The following VPS13B variants were observed in gnomAD, a reference collection of about 807,000 sequenced individuals.
VPS13B encodes the protein intermembrane lipid transfer protein VPS13B.
In VPS13B, 285 loss-of-function variants were observed where a neutral mutation model predicts 426.4. That is an observed-to-expected ratio of 0.67 (90% CI 0.61 to 0.74). The LOEUF is 0.74. Ranked by LOEUF, VPS13B falls within the 30% of genes least tolerant of loss-of-function variation. The pLI is 0.00. For synonymous variants in VPS13B, 1,676 were observed against 1,676.4 expected, an observed-to-expected ratio of 1.00 and a Z score of 0.01; for missense variants, 4,537 against 4,782.6, an observed-to-expected ratio of 0.95 and a Z score of 1.51.
intron 4 of VPS13B, 51 bp from the exon 5 acceptor site, chr8:99,102,902 T>A: frequency 6.8e-7 from 1 of 1,468,224 alleles, no homozygotes; most frequent in Non-Finnish European, 9.5e-7. Context: ...AAGAAATAAT[T>A]ATTTACTGAG....
At chr8:99,866,620 G>C (rs77284972) in intron 58 of VPS13B, among the ~76,000 whole-genome samples, 2,490 of 152,344 alleles carry the variant, frequency 0.016, 68 homozygotes, top group African/African-American at 0.057. Context: ...AACAGAGGGG[G>C]CCTCACCTGA....
intron 30 of VPS13B, among the ~76,000 whole-genome samples, chr8:99,529,842 C>CA (rs1228637038): frequency 6.6e-6 from 1 of 152,176 alleles, no homozygotes; most frequent in Non-Finnish European, 1.5e-5. Context: ...TTTAACATGA[C>CA]AAAATCCCTG....
At chr8:99,709,956 G>T (rs918532055) in intron 36 of VPS13B, among the ~76,000 whole-genome samples, 3 of 152,132 alleles carry the variant, frequency 2.0e-5, no homozygotes, top group African/African-American at 7.2e-5. Context: ...GCCTAAAATT[G>T]TTTCAGAATT....
At chr8:99,496,707 G>A (rs886652593) in intron 25 of VPS13B, among the ~76,000 whole-genome samples, 7 of 151,748 alleles carry the variant, frequency 4.6e-5, no homozygotes, top group Non-Finnish European at 1.0e-4. Context: ...AGTAAACAAA[G>A]CAAACACATA....
intron 54 of VPS13B, among the ~76,000 whole-genome samples, chr8:99,845,887 T>C (rs1261189380): frequency 6.6e-6 from 1 of 152,234 alleles, no homozygotes; most frequent in Non-Finnish European, 1.5e-5. Context: ...TAGCAGGCAG[T>C]GGACCAGATT....
chr8:99,658,434 G>T (rs1261580197), intron 34 of VPS13B, among the ~76,000 whole-genome samples: 1 of 152,116 alleles, frequency 6.6e-6, no homozygotes, highest in East Asian at 1.9e-4. Flanking sequence ...TGCTTAACCT[G>T]CTTGCTTTTT....
intron 33 of VPS13B, among the ~76,000 whole-genome samples, chr8:99,614,872 C>T (rs1367636551): frequency 2.0e-5 from 3 of 151,950 alleles, no homozygotes; most frequent in African/African-American, 7.2e-5. Flanking sequence ...AATCCCAGCA[C>T]TTTGGGAGCC....
rs745575182 is a variant in VPS13B, at chr8:99,156,757, A to G, written c.2208+14A>G. ...TGCTATCTTAAGGTATGAAAAGTGA[A>G]TTTTCTTGTTTGTTAGCATGGGTTT... On this transcript the variant is annotated intron_variant, in intron 15 of 61. Transcript: ENST00000357162. The G allele has an allele frequency of 1.9e-5, 30 of 1,613,586 alleles. No homozygotes were observed. Among genetic ancestry groups the G allele is most frequent in the Middle Eastern group, 3.3e-4 (2 of 6,058 alleles).
chr8:99,458,315 C>T (rs191133790), intron 23 of VPS13B, among the ~76,000 whole-genome samples: 54 of 152,198 alleles, frequency 3.5e-4, no homozygotes, highest in Admixed American at 3.0e-3. Context: ...TCCAGTCTAT[C>T]GTTGTTGGAC....
intron 25 of VPS13B, among the ~76,000 whole-genome samples, chr8:99,501,073 A>G (rs1821208107): frequency 6.6e-6 from 1 of 152,210 alleles, no homozygotes; most frequent in South Asian, 2.1e-4. Flanking sequence ...CTATTGTCAA[A>G]TCTACTAATT....
chr8:99,792,559 A>G (rs551415420), intron 43 of VPS13B, among the ~76,000 whole-genome samples: 1 of 152,286 alleles, frequency 6.6e-6, no homozygotes, highest in African/African-American at 2.4e-5. Context: ...TGGGAAGCAA[A>G]CTGTCATGTT....
intron 42 of VPS13B, 21 bp from the exon 43 acceptor site, chr8:99,784,294 T>C: frequency 6.2e-7 from 1 of 1,613,456 alleles, no homozygotes; most frequent in Non-Finnish European, 8.5e-7. Flanking sequence ...CATGTTGGCT[T>C]TCGTATCCTT....
At chr8:99,516,719 T>C (rs1822090262) in intron 29 of VPS13B, among the ~76,000 whole-genome samples, 1 of 132,228 alleles carries the variant, frequency 7.6e-6, no homozygotes, top group South Asian at 2.3e-4. Context: ...GTCCAGGAGG[T>C]CAGGGCTTCA....
intron 18 of VPS13B, 74 bp from the exon 19 acceptor site, chr8:99,275,007 A>G (rs1818818371): frequency 5.5e-6 from 7 of 1,274,452 alleles, no homozygotes; most frequent in African/African-American, 1.5e-5. Flanking sequence ...TGGTGTTAGT[A>G]TATTTTAAAA....
intron 19 of VPS13B, among the ~76,000 whole-genome samples, chr8:99,330,684 G>T (rs1810499412): frequency 6.6e-6 from 1 of 151,876 alleles, no homozygotes; most frequent in South Asian, 2.1e-4. Context: ...TTGAAAAGTG[G>T]AGGATTAGAA....
At chr8:99,714,098 C>T (rs1018794854) in intron 36 of VPS13B, among the ~76,000 whole-genome samples, 3 of 146,136 alleles carry the variant, frequency 2.1e-5, no homozygotes, top group Non-Finnish European at 4.5e-5. Flanking sequence ...GAGATCATGC[C>T]ACTGCACTCC....
chr8:99,125,613 TA>T (rs1357523598), intron 8 of VPS13B, among the ~76,000 whole-genome samples: 1 of 152,140 alleles, frequency 6.6e-6, no homozygotes, highest in African/African-American at 2.4e-5. Flanking sequence ...ATAGACATGC[TA>T]GAGGCTGTAG....
At chr8:99,752,675 T>C (rs565779762) in intron 39 of VPS13B, among the ~76,000 whole-genome samples, 3 of 152,362 alleles carry the variant, frequency 2.0e-5, no homozygotes, top group Admixed American at 1.3e-4. Context: ...TAAGTTATTC[T>C]CTAATCCTTA....
chr8:99,132,290 G>A (rs755446596), intron 8 of VPS13B, among the ~76,000 whole-genome samples: 7 of 152,214 alleles, frequency 4.6e-5, no homozygotes, highest in Non-Finnish European at 1.0e-4. Context: ...TAAATTCATC[G>A]TCATTTCAAC....
Sources: gnomAD v4.1 joint callset for allele counts (sites outside exome capture counted in the v4.1 genomes callset) on GRCh38, gnomAD v4.1.1 for gene constraint, MANE v1.5 for transcripts, NCBI Gene and HGNC (gene_info 2026-07-23, HGNC 2026-07-21) for gene names.